The following CEP68 variants were observed in gnomAD, a reference collection of about 807,000 sequenced individuals.
The protein encoded by CEP68 is centrosomal protein 68.
CEP68 carries 26 observed loss-of-function variants against 55.3 expected under a neutral mutation model. The ratio of observed to expected loss-of-function variants is 0.47; its 90% CI spans 0.34 to 0.65. The LOEUF (loss-of-function observed/expected upper bound fraction) is 0.65, where lower values mean the gene tolerates loss of function less well. Among genes scored for constraint, CEP68 ranks in the 30% least tolerant of loss-of-function variants. CEP68 has a pLI of 0.01. For synonymous variants in CEP68, 402 were observed against 383.2 expected (o/e 1.05, Z -0.57); for missense variants, 957 against 946.7 (o/e 1.01, Z -0.14).
chr2:65,081,533 T>G (rs986605939), intron 5 of CEP68, among the ~76,000 whole-genome samples: 1 of 152,132 alleles, frequency 6.6e-6, no homozygotes, highest in African/African-American at 2.4e-5. Flanking sequence ...TGCAGGAAAC[T>G]AAGACAGCCT....
chr2:65,081,790 C>T (rs1411893038), intron 5 of CEP68, among the ~76,000 whole-genome samples: 5 of 152,280 alleles, frequency 3.3e-5, no homozygotes, highest in Middle Eastern at 3.4e-3. Flanking sequence ...CTCTGCCTCC[C>T]GGGTTCAAGC....
At chr2:65,079,735 G>A (rs1676919704) in intron 5 of CEP68, among the ~76,000 whole-genome samples, 2 of 152,252 alleles carry the variant, frequency 1.3e-5, no homozygotes, top group Admixed American at 6.5e-5. Flanking sequence ...CACAGGAGAA[G>A]TGGCAGCCTG....
At chr2:65,061,297 G>A (rs887357593) in intron 1 of CEP68, among the ~76,000 whole-genome samples, 1 of 152,232 alleles carries the variant, frequency 6.6e-6, no homozygotes, top group African/African-American at 2.4e-5. Flanking sequence ...GTGAGAAGGC[G>A]AGGGAACAGA....
chr2:65,082,309 A>C (rs1421142115), intron 5 of CEP68, among the ~76,000 whole-genome samples: 1 of 152,248 alleles, frequency 6.6e-6, no homozygotes, highest in African/African-American at 2.4e-5. Context: ...AAGTGGAGTC[A>C]GTGAGTTCTT....
chr2:65,083,593 C>G (rs1368601413), intron 6 of CEP68, 46 bp from the exon 7 acceptor site: 1 of 152,194 alleles, frequency 6.6e-6, no homozygotes, highest in Non-Finnish European at 1.5e-5. Context: ...TCGTTTCTTC[C>G]TCTACAACAT....
chr2:65,066,579 T>C (rs1174207024), intron 1 of CEP68, among the ~76,000 whole-genome samples: 1 of 150,686 alleles, frequency 6.6e-6, no homozygotes, highest in South Asian at 2.1e-4. Context: ...AATATAAAAA[T>C]TAGCCAGGTG....
intron 5 of CEP68, 119 bp downstream of exon 5, chr2:65,078,083 G>T (rs1278728040): frequency 1.8e-5 from 12 of 658,558 alleles, no homozygotes; most frequent in Non-Finnish European, 3.1e-5. Flanking sequence ...CACACCCACT[G>T]CCCGAGATGC....
At position 65,082,625 on chromosome 2, in the gene CEP68, C is replaced by G. The variant is rs760928907; in HGVS notation, c.2194C>G (p.Leu732Val). 6.2e-7 allele frequency: 1 copy of G among 1,612,412 alleles called. No individual in the cohort carries two copies. Among genetic ancestry groups the G allele is most frequent in the Admixed American group, 1.7e-5 (1 of 59,724 alleles). ...CCTGTATGACTCTATCTTGGCCTCT[C>G]TGGACATGCTGGCTGGCTGCACCCT... is the stretch of plus-strand genomic sequence containing the variant. ...DRLYDSILAS[L>V]DMLAGCTLIP... Residue 732 changes from leucine (L) to valine (V), a missense_variant, in exon 6 of 7, where the codon CTG becomes GTG. Leu to Val is a conservative substitution (Grantham distance 32). Transcript: ENST00000377990.
chr2:65,068,701 C>T (rs1455710877), intron 1 of CEP68, among the ~76,000 whole-genome samples: 3 of 152,138 alleles, frequency 2.0e-5, no homozygotes, highest in Non-Finnish European at 2.9e-5. Flanking sequence ...GTGGCATGTG[C>T]CTGTAGTCCC....
intron 5 of CEP68, 100 bp downstream of exon 5, chr2:65,078,064 G>C (rs1676844225): frequency 1.2e-6 from 1 of 820,824 alleles, no homozygotes; most frequent in Non-Finnish European, 1.9e-6. Context: ...TACCACAAGA[G>C]CCCCTGCCCA....
At chr2:65,082,753 C>T (rs753663873) in intron 6 of CEP68, 44 bp downstream of exon 6, 2 of 1,470,390 alleles carry the variant, frequency 1.4e-6, no homozygotes, top group Non-Finnish European at 1.8e-6. Context: ...ACCAACCCTG[C>T]TGTAACAGTT....
At chr2:65,071,106 G>T (rs963645081) in intron 2 of CEP68, 2 of 290,298 alleles carry the variant, frequency 6.9e-6, no homozygotes, top group Admixed American at 4.8e-5. Context: ...GTGATTGAGG[G>T]TTTCATCTGC....
chr2:65,077,821 C>A, intron 4 of CEP68, 47 bp from the exon 5 acceptor site: 2 of 1,423,970 alleles, frequency 1.4e-6, no homozygotes, highest in Admixed American at 1.7e-5. Flanking sequence ...GTTTACAAAA[C>A]AATAGTAACG....
At chr2:65,071,215 A>C in intron 2 of CEP68, 2 of 546,194 alleles carry the variant, frequency 3.7e-6, no homozygotes, top group South Asian at 4.4e-5. Context: ...CTGTGGAGGA[A>C]GGAAGAACCT....
In CEP68 at chr2:65,072,667, G is replaced by A. The variant is rs1231238268; in HGVS notation, c.1571G>A (p.Ser524Asn). Residue 524 changes from serine to asparagine, a missense_variant, in exon 3 of 7, where the codon AGT (serine) becomes AAT (asparagine). Ser to Asn is a conservative substitution (Grantham distance 46). Transcript: ENST00000377990. ...KGQSPLEVSDSDGPASFPSSS... is the reference protein window; with the variant it reads ...KGQSPLEVSDNDGPASFPSSS... ...CAGAGCCCCTTGGAAGTGTCAGACA[G>A]TGATGGGCCAGCTTCCTTCCCTTCA... 2 of 1,614,188 alleles carry A rather than the reference G, an allele frequency of 1.2e-6. No homozygotes were observed. Among genetic ancestry groups the A allele is most frequent in the Admixed American group, 1.7e-5 (1 of 60,022 alleles).
At chr2:65,078,592 G>T (rs1419076779) in intron 5 of CEP68, among the ~76,000 whole-genome samples, 2 of 152,208 alleles carry the variant, frequency 1.3e-5, no homozygotes, top group African/African-American at 4.8e-5. Context: ...AGGCTGGAGT[G>T]CAGTGGTGCC....
chr2:65,058,497 C>CTTTTTT (rs34477880), intron 1 of CEP68, among the ~76,000 whole-genome samples: 8 of 75,680 alleles, frequency 1.1e-4, no homozygotes, highest in African/African-American at 1.2e-4. Flanking sequence ...GATTTTTTTC[C>CTTTTTT]TTTTTTTTTT....
intron 1 of CEP68, among the ~76,000 whole-genome samples, chr2:65,065,971 AAC>A (rs1558556977): frequency 1.3e-5 from 2 of 151,818 alleles, no homozygotes; most frequent in Non-Finnish European, 2.9e-5. Context: ...AAAAAAAAAA[AAC>A]ACAAGATTAT....
intron 5 of CEP68, among the ~76,000 whole-genome samples, chr2:65,079,727 C>T (rs897888753): frequency 2.0e-5 from 3 of 152,240 alleles, no homozygotes; most frequent in African/African-American, 4.8e-5. Context: ...CCACAGGCCA[C>T]AGGAGAAGTG....
Sources: allele counts gnomAD v4.1 joint callset (sites outside exome capture counted in the v4.1 genomes callset), GRCh38; gene constraint gnomAD v4.1.1; transcripts MANE v1.5; gene names NCBI Gene and HGNC (gene_info 2026-07-23, HGNC 2026-07-21).